The following PMPCB variants were observed in gnomAD, a reference collection of about 807,000 sequenced individuals.
PMPCB encodes peptidase, mitochondrial processing subunit beta.
A neutral mutation model predicts 61.5 loss-of-function variants in PMPCB; 46 were observed. The ratio of observed to expected loss-of-function variants is 0.75; its 90% CI spans 0.59 to 0.96. The LOEUF is 0.96. Ranked by LOEUF, PMPCB falls within the 40% of genes least tolerant of loss-of-function variation. The pLI is 0.00. For missense variants in PMPCB, 590 were observed against 602.4 expected (o/e 0.98, Z 0.22); for synonymous variants, 191 against 201.6 (o/e 0.95, Z 0.44).
intron 9 of PMPCB, chr7:103,311,282 T>G (rs1180722048): frequency 4.9e-6 from 1 of 205,602 alleles, no homozygotes; most frequent in East Asian, 1.2e-4. Flanking sequence ...AAATTAGATT[T>G]AAGTTAGACT....
chr7:103,343,327 T>A, the PMPCB span, among the ~76,000 whole-genome samples: 1 of 152,224 alleles, frequency 6.6e-6, no homozygotes, highest in African/African-American at 2.4e-5. Context: ...ATTATTAAAA[T>A]CTTGAATATA....
rs1473456169 is a variant in PMPCB at position 103,320,766 on chromosome 7, T to C, written c.*1432-8165T>C. ...CACAAAATATATATATATACACATA[T>C]ATATATATATATATATATTCTGAAA... On this transcript the variant is annotated intron_variant and NMD_transcript_variant, in intron 12 of 12. Coordinates refer to the PMPCB transcript ENST00000444457. 1,119 of 137,874 alleles carry C rather than the reference T, an allele frequency of 8.1e-3. 8 individuals are homozygous for C. Among genetic ancestry groups the C allele is most frequent in the African/African-American group, 0.021 (670 of 31,650 alleles). 8.5% of individuals were successfully genotyped at this position (137,874 alleles called of 1,614,324 possible).
intron 4 of PMPCB, among the ~76,000 whole-genome samples, chr7:103,302,265 G>A (rs971483306): frequency 6.6e-6 from 1 of 152,186 alleles, no homozygotes; most frequent in Non-Finnish European, 1.5e-5. Flanking sequence ...AAACATACGT[G>A]TGCATGATGA....
the PMPCB span, chr7:103,335,541 T>TC: frequency 6.6e-6 from 1 of 150,448 alleles, no homozygotes; most frequent in Non-Finnish European, 1.5e-5. Flanking sequence ...TTTCTTTCTT[T>TC]TTTTTTTTTT....
downstream of PMPCB, chr7:103,315,814 T>C (rs994388976): frequency 6.2e-7 from 1 of 1,613,970 alleles, no homozygotes; most frequent in Non-Finnish European, 8.5e-7. Context: ...TACCACTCCA[T>C]GTTCTTTTTT....
At chr7:103,330,489 G>A (rs1432437978), downstream of PMPCB, among the ~76,000 whole-genome samples, 1 of 151,858 alleles carries the variant, frequency 6.6e-6, no homozygotes, top group Non-Finnish European at 1.5e-5. Context: ...TTTTGCTCTT[G>A]TTGCCCAGGC....
chr7:103,313,985 T>G lies in PMPCB; in HGVS notation c.*1714T>G. 1.0e-6 allele frequency: 1 copy of G among 985,400 alleles called. No individual in the cohort carries two copies. Among genetic ancestry groups the G allele is most frequent in the South Asian group, 4.7e-5 (1 of 21,290 alleles). 61.0% of individuals were successfully genotyped at this position (985,400 alleles called of 1,614,324 possible). A position where few individuals can be genotyped will look rare whatever the true frequency, so the allele number is the denominator to read the frequency against. On this transcript the variant is annotated 3_prime_UTR_variant, in exon 13 of 13. Transcript: ENST00000249269. Reference sequence around the variant, plus strand: ...GCGGCCTGTGAGATCTGTTAAAAGTTAAGCCTAGAAACCAAAGTTCCTTCC... The same window carrying G: ...GCGGCCTGTGAGATCTGTTAAAAGTGAAGCCTAGAAACCAAAGTTCCTTCC...
At chr7:103,329,236 T>C (rs1229667297) in exon 13 of PMPCB, 2 of 234,950 alleles carry the variant, frequency 8.5e-6, no homozygotes, top group East Asian at 1.5e-4. Flanking sequence ...CCAGTTAATC[T>C]TCTCCATGAT....
downstream of PMPCB, among the ~76,000 whole-genome samples, chr7:103,317,771 C>A (rs1818153815): frequency 6.6e-6 from 1 of 152,170 alleles, no homozygotes; most frequent in Non-Finnish European, 1.5e-5. Context: ...CTGCCTCAGC[C>A]TCCCAAGTAG....
At chr7:103,345,530 G>A in the PMPCB span, among the ~76,000 whole-genome samples, 2 of 151,604 alleles carry the variant, frequency 1.3e-5, no homozygotes, top group Non-Finnish European at 2.9e-5. Context: ...TCTTTAGCAA[G>A]GACCACCAGA....
chr7:103,309,003 G>A lies in PMPCB; in HGVS notation c.901G>A (p.Glu301Lys), dbSNP rs750202405. The stretch of plus-strand genomic sequence containing the variant: ...TTTGGCGCACCTTGCAATAGCTGTT[G>A]AAGCTGTTGGTTGGGCACATCCAGA... ...MPLAHLAIAV[E>K]AVGWAHPDTI... The change falls in exon 8 of 13, where the codon GAA becomes AAA. Residue 301 changes from glutamate to lysine, a missense_variant. By Grantham distance (56) the Glu-to-Lys change is moderately conservative. Transcript: ENST00000249269. The A allele has an allele frequency of 3.7e-6, 6 of 1,606,466 alleles. No individual in the cohort carries two copies. The Admixed American group carries it at 5.1e-5, about 14-fold the overall frequency.
chr7:103,309,135 G>A, intron 8 of PMPCB, 40 bp downstream of exon 8: 2 of 1,489,264 alleles, frequency 1.3e-6, no homozygotes, highest in Middle Eastern at 1.8e-4. Flanking sequence ...ACAGATGGAA[G>A]ATTATCATGT....
chr7:103,347,407 G>A, the PMPCB span: 1 of 237,588 alleles, frequency 4.2e-6, no homozygotes, highest in African/African-American at 2.2e-5. Flanking sequence ...ATATATTCTG[G>A]ATATTAACTC....
the PMPCB span, chr7:103,337,869 C>T: frequency 2.4e-6 from 3 of 1,262,866 alleles, no homozygotes; most frequent in African/African-American, 3.0e-5. Flanking sequence ...TATTCCATCC[C>T]TTGTGTTCTG....
chr7:103,314,464 T>C lies in PMPCB; in HGVS notation c.*2193T>C. 1 of 985,360 alleles carries C rather than the reference T, an allele frequency of 1.0e-6. No individual in the cohort carries two copies. The highest frequency in any genetic ancestry group is 1.2e-6 in the Non-Finnish European group (1 of 829,916). 61.0% of individuals were successfully genotyped at this position (985,360 alleles called of 1,614,324 possible). A position where few individuals can be genotyped will look rare whatever the true frequency, so the allele number is the denominator to read the frequency against. ...CTTGCCTTCACAGGGTCACCTCTCC[T>C]CACAGAAAGCAGACTGGACAAATAT... On this transcript the variant is annotated 3_prime_UTR_variant, in exon 13 of 13. Transcript: ENST00000249269.
rs751521996 is a variant in PMPCB, at chr7:103,303,846, A to G, written c.462A>G (p.Val154=). ...TTATATTTTATTTTCAATTAGCTGT[A>G]GAAATTCTTGCTGATATAATACAAA... ...KAFSKDLPRA[V]EILADIIQNS... Residue 154 remains valine (V), a synonymous_variant, in exon 5 of 13, where the codon GTA becomes GTG. Coordinates refer to ENST00000249269, the MANE Select transcript of PMPCB (RefSeq NM_004279.3). The G allele has an allele frequency of 6.2e-7, 1 of 1,601,890 alleles. No individual in the cohort carries two copies. Among genetic ancestry groups the G allele is most frequent in the Non-Finnish European group, 8.5e-7 (1 of 1,173,544 alleles).
In PMPCB at chr7:103,314,549, G is replaced by A; in HGVS notation, c.*2278G>A. 1 of 985,378 alleles carries A rather than the reference G, an allele frequency of 1.0e-6. No individual in the cohort carries two copies. Among genetic ancestry groups the A allele is most frequent in the Non-Finnish European group, 1.2e-6 (1 of 829,898 alleles). The allele number at this position is 985,378 out of a possible 1,614,324, so 61.0% of individuals were successfully genotyped here. A position where few individuals can be genotyped will look rare whatever the true frequency, so the allele number is the denominator to read the frequency against. ...CCCCTAAGAAAGAGCTGAGACTAGT[G>A]TGCTAATACCTGTTGTATTTTGTGG... On this transcript the variant is annotated 3_prime_UTR_variant, in exon 13 of 13. Coordinates refer to ENST00000249269, the MANE Select transcript of PMPCB (RefSeq NM_004279.3).
chr7:103,302,012 C>A (rs531816348), intron 4 of PMPCB, among the ~76,000 whole-genome samples: 1 of 152,252 alleles, frequency 6.6e-6, no homozygotes. Context: ...CAAGTGTTCT[C>A]ATTGTTCAAT....
chr7:103,337,705 T>C, the PMPCB span: 2 of 1,548,844 alleles, frequency 1.3e-6, no homozygotes, highest in South Asian at 1.1e-5. Context: ...ATACAAGATA[T>C]TTGATTATTT....
Sources: allele counts gnomAD v4.1 joint callset (sites outside exome capture counted in the v4.1 genomes callset), GRCh38; gene constraint gnomAD v4.1.1; transcripts MANE v1.5; gene names NCBI Gene and HGNC (gene_info 2026-07-23, HGNC 2026-07-21).